Variants in CUX1 observed in about 807,000 individuals in gnomAD.
The protein encoded by CUX1 is cut like homeobox 1.
CUX1 carries 31 observed loss-of-function variants against 158.8 expected under a neutral mutation model. The observed-to-expected ratio is 0.20, with a 90% confidence interval of 0.15 to 0.26. The LOEUF is 0.26. Ranked by LOEUF, CUX1 falls within the 10% of genes least tolerant of loss-of-function variation. The pLI, the probability that CUX1 is intolerant of heterozygous loss-of-function variation, is 1.00. For synonymous variants in CUX1, 879 were observed against 862.1 expected (o/e 1.02, Z -0.34); for missense variants, 1,589 against 2,014.6 (o/e 0.79, Z 4.04).
At chr7:102,130,842 CA>C (rs1471325150) in intron 8 of CUX1, among the ~76,000 whole-genome samples, 6 of 151,862 alleles carry the variant, frequency 4.0e-5, no homozygotes, top group Non-Finnish European at 7.4e-5. Flanking sequence ...GTGATCTTCC[CA>C]CCCTTAAAAA....
chr7:102,209,950 A>C (rs1796358975), intron 20 of CUX1, among the ~76,000 whole-genome samples: 1 of 152,116 alleles, frequency 6.6e-6, no homozygotes, highest in African/African-American at 2.4e-5. Flanking sequence ...GCAGTGACAC[A>C]ATCACAGCTC....
intron 3 of CUX1, among the ~76,000 whole-genome samples, chr7:102,069,728 A>G (rs1825925481): frequency 6.6e-6 from 1 of 152,206 alleles, no homozygotes; most frequent in South Asian, 2.1e-4. Flanking sequence ...AGTCTGGGCG[A>G]CAGAGCAAGA....
intron 10 of CUX1, among the ~76,000 whole-genome samples, chr7:102,176,586 G>GTTTTTTTT (rs1792373428): frequency 2.1e-5 from 1 of 46,838 alleles, no homozygotes; most frequent in African/African-American, 6.9e-5. Flanking sequence ...TTTTTTTTTT[G>GTTTTTTTT]CTTTGACACA....
At chr7:102,265,822 C>T (rs1303810597) in intron 14 of CUX1, among the ~76,000 whole-genome samples, 1 of 152,012 alleles carries the variant, frequency 6.6e-6, no homozygotes, top group Non-Finnish European at 1.5e-5. Flanking sequence ...ATGCCATCAT[C>T]ACAATGAGAG....
At chr7:102,145,829 C>G (rs1246557624) in intron 8 of CUX1, among the ~76,000 whole-genome samples, 2 of 152,224 alleles carry the variant, frequency 1.3e-5, no homozygotes, top group African/African-American at 4.8e-5. Context: ...CTCCTGTAAT[C>G]CCAGCTACTC....
rs1554518616 is a variant in CUX1 at position 102,197,118 on chromosome 7, C to T, written c.1707C>T (p.Ile569=). 1 of 1,614,224 alleles carries T rather than the reference C, an allele frequency of 6.2e-7. No homozygotes were observed. Residue 569 remains isoleucine, a synonymous_variant, in exon 15 of 24, where the codon ATC becomes ATT. Transcript: ENST00000292535. ...AAGAGCAGCTGATTAAGCACAATAT[C>T]GGACAACGTATTTTCGGACATTATG... ...QVKEQLIKHN[I]GQRIFGHYVL...
At chr7:102,157,744 C>A (rs1339299571) in intron 8 of CUX1, among the ~76,000 whole-genome samples, 2 of 152,194 alleles carry the variant, frequency 1.3e-5, no homozygotes, top group African/African-American at 2.4e-5. Context: ...CTCATCATTG[C>A]ACTCCAGCCT....
chr7:101,965,260 C>T (rs190367601), intron 2 of CUX1, among the ~76,000 whole-genome samples: 4 of 152,238 alleles, frequency 2.6e-5, no homozygotes, highest in East Asian at 3.9e-4. Context: ...TTGGTGTGGG[C>T]GAGGCACTGT....
chr7:102,254,878 C>A lies in CUX1; in HGVS notation c.*5836C>A. On this transcript the variant is annotated 3_prime_UTR_variant, in exon 24 of 24. Transcript: ENST00000292535. ...TTGATGATCTTATTTCTATTTCGAT[C>A]AGGTTTTGACTTTTTGTAGATGAAA... The A allele has an allele frequency of 1.0e-6, 1 of 985,408 alleles. No individual in the cohort carries two copies. The highest frequency in any genetic ancestry group is 1.2e-6 in the Non-Finnish European group (1 of 829,940). The allele number at this position is 985,408 out of a possible 1,614,324, so 61.0% of individuals were successfully genotyped here.
At chr7:101,921,439 AT>A (rs201211236) in intron 2 of CUX1, among the ~76,000 whole-genome samples, 30 of 114,420 alleles carry the variant, frequency 2.6e-4, no homozygotes, top group Non-Finnish European at 3.6e-4. Flanking sequence ...GTTTTATTTT[AT>A]TTTATTTATT....
At position 102,257,596 on chromosome 7, in the gene CUX1, T is replaced by C; in HGVS notation, c.*8554T>C. On this transcript the variant is annotated 3_prime_UTR_variant, in exon 24 of 24. Coordinates refer to ENST00000292535, the MANE Select transcript of CUX1 (RefSeq NM_181552.4). ...TTGCGTTTGTGCAATAACTCTTTGCTGCTTGCCTTGAGAGCGGGTAGCACC... is the reference window on the plus strand; with the variant it reads ...TTGCGTTTGTGCAATAACTCTTTGCCGCTTGCCTTGAGAGCGGGTAGCACC... 1.0e-6 allele frequency: 1 copy of C among 985,434 alleles called. No individual in the cohort carries two copies. Among genetic ancestry groups the C allele is most frequent in the Non-Finnish European group, 1.2e-6 (1 of 829,940 alleles). The allele number at this position is 985,434 out of a possible 1,614,324, so 61.0% of individuals were successfully genotyped here.
At chr7:101,827,644 A>G (rs943126207) in intron 1 of CUX1, among the ~76,000 whole-genome samples, 41 of 152,234 alleles carry the variant, frequency 2.7e-4, no homozygotes, top group African/African-American at 9.9e-4. Context: ...TTAATTACTA[A>G]TAGCCTACCG....
intron 7 of CUX1, 61 bp downstream of exon 7, chr7:102,111,835 C>T (rs201494): frequency 1.3e-6 from 2 of 1,482,324 alleles, no homozygotes; most frequent in Non-Finnish European, 1.9e-6. Flanking sequence ...AGAGTTGGGT[C>T]AGCCCCTGAC....
chr7:101,850,340 G>A (rs4483080), intron 1 of CUX1, among the ~76,000 whole-genome samples: 3,552 of 150,782 alleles, frequency 0.024, 62 homozygotes, highest in Middle Eastern at 0.053. Context: ...TATTAAAAAA[G>A]AACCAACCCC....
At chr7:102,130,860 C>A (rs1191179073) in intron 8 of CUX1, among the ~76,000 whole-genome samples, 1 of 151,838 alleles carries the variant, frequency 6.6e-6, no homozygotes, top group African/African-American at 2.4e-5. Flanking sequence ...AAAAAAAAAT[C>A]TCTGCAGGCT....
intron 1 of CUX1, among the ~76,000 whole-genome samples, chr7:101,856,830 C>G (rs1052083854): frequency 2.0e-5 from 3 of 152,180 alleles, no homozygotes; most frequent in African/African-American, 7.2e-5. Context: ...TTCTGTGGTC[C>G]CTTTTCGGCC....
chr7:102,087,539 C>T (rs550388719), intron 4 of CUX1, among the ~76,000 whole-genome samples: 36 of 152,200 alleles, frequency 2.4e-4, no homozygotes, highest in Admixed American at 1.0e-3. Flanking sequence ...GAGTTCGTGC[C>T]GTTGCATTCC....
intron 9 of CUX1, among the ~76,000 whole-genome samples, chr7:102,162,185 G>A (rs1007779394): frequency 1.3e-5 from 2 of 152,084 alleles, no homozygotes; most frequent in African/African-American, 2.4e-5. Flanking sequence ...CTCAAGAGCC[G>A]ACCAGAAAGA....
chr7:102,200,184 A>G lies in CUX1; in HGVS notation c.2062+12A>G. On this transcript the variant is annotated intron_variant, in intron 17 of 23. Coordinates refer to ENST00000292535, the MANE Select transcript of CUX1 (RefSeq NM_181552.4). ...AGTGCAGAAAACTGGTACAGCTTCC[A>G]TTTCTTCATCCACTGTCTTCAAACT... The G allele has an allele frequency of 6.3e-7, 1 of 1,599,050 alleles. No individual in the cohort carries two copies. The highest frequency in any genetic ancestry group is 8.5e-7 in the Non-Finnish European group (1 of 1,171,606).
Sources: allele counts gnomAD v4.1 joint callset (sites outside exome capture counted in the v4.1 genomes callset), GRCh38; gene constraint gnomAD v4.1.1; transcripts MANE v1.5; gene names NCBI Gene and HGNC (gene_info 2026-07-23, HGNC 2026-07-21).